TDRD3: variants seen among roughly 807,000 people sequenced by gnomAD.
TDRD3 encodes the protein tudor domain-containing protein 3.
TDRD3 carries 45 observed loss-of-function variants against 86.7 expected under a neutral mutation model. The ratio of observed to expected loss-of-function variants is 0.52; its 90% CI spans 0.41 to 0.67. The LOEUF (loss-of-function observed/expected upper bound fraction) is 0.67. TDRD3 is among the 30% of genes least tolerant of loss of function. The pLI is 0.00. For missense variants in TDRD3, 814 were observed against 889.0 expected (o/e 0.92, Z 1.07); for synonymous variants, 298 against 301.7 (o/e 0.99, Z 0.13).
At position 60,492,074 on chromosome 13, in the gene TDRD3, T is replaced by C. The variant is rs534166105; in HGVS notation, c.718-2361T>C. 2.2e-3 allele frequency among the ~76,000 whole-genome samples: 334 copies of C among 152,264 alleles called. 1 individual carries two copies. The highest frequency in any genetic ancestry group is 0.014 in the Middle Eastern group (4 of 294). On this transcript the variant is annotated intron_variant, in intron 7 of 13. Coordinates refer to ENST00000377881, the MANE Select transcript of TDRD3 (RefSeq NM_001146070.2). ...TGGGTAATATTTAGGTTGTGATGGTTCTAGATATTTATATGAGTGAGTAGT... is the reference window on the plus strand; with the variant it reads ...TGGGTAATATTTAGGTTGTGATGGTCCTAGATATTTATATGAGTGAGTAGT...
chr13:60,510,821 G>A (rs924421226), intron 10 of TDRD3, 66 bp downstream of exon 10: 88 of 1,294,102 alleles, frequency 6.8e-5, no homozygotes, highest in African/African-American at 4.3e-4. Flanking sequence ...TTTTTTTAGC[G>A]TATTTCTTTT....
chr13:60,400,212 G>T (rs1177565032), intron 1 of TDRD3, among the ~76,000 whole-genome samples: 1 of 152,100 alleles, frequency 6.6e-6, no homozygotes, highest in Non-Finnish European at 1.5e-5. Flanking sequence ...AATTTATCTA[G>T]ATAACAATTT....
In TDRD3 at chr13:60,478,652, T is replaced by C. The variant is rs1956246445; in HGVS notation, c.496-5123T>C. On this transcript the variant is annotated intron_variant, in intron 5 of 13. Transcript: ENST00000377881. ...ATTCTTTCAAAGAACCATCTTTTTGTTCCATTGATCTTTTATTTGGATTTT... is the reference window on the plus strand; with the variant it reads ...ATTCTTTCAAAGAACCATCTTTTTGCTCCATTGATCTTTTATTTGGATTTT... Among the ~76,000 whole-genome samples, 2 of 152,098 alleles carry C rather than the reference T, an allele frequency of 1.3e-5. 1 individual carries two copies. The highest frequency in any genetic ancestry group is 4.1e-4 in the South Asian group (2 of 4,830).
intron 12 of TDRD3, among the ~76,000 whole-genome samples, chr13:60,541,846 A>G (rs1196695392): frequency 1.4e-5 from 2 of 146,674 alleles, no homozygotes; most frequent in African/African-American, 5.0e-5. Flanking sequence ...TCTTGCCTCA[A>G]CCTCCTGAGT....
chr13:60,512,903 T>A (rs1202386504), intron 10 of TDRD3, among the ~76,000 whole-genome samples: 2 of 152,184 alleles, frequency 1.3e-5, no homozygotes, highest in African/African-American at 4.8e-5. Context: ...GTCTGGAGGA[T>A]GGTGGCCCTC....
intron 5 of TDRD3, among the ~76,000 whole-genome samples, chr13:60,472,363 T>C (rs1956091062): frequency 6.6e-6 from 1 of 152,178 alleles, no homozygotes; most frequent in African/African-American, 2.4e-5. Flanking sequence ...CCATCTTAGA[T>C]GTACAGTAGT....
At chr13:60,427,282 T>G (rs886191912) in intron 1 of TDRD3, among the ~76,000 whole-genome samples, 1 of 152,224 alleles carries the variant, frequency 6.6e-6, no homozygotes, top group African/African-American at 2.4e-5. Context: ...GTTCCATTTT[T>G]TCGTTCTTTG....
At position 60,528,705 on chromosome 13, in the gene TDRD3, G is replaced by A. The variant is rs1957508718; in HGVS notation, c.1480G>A (p.Gly494Ser). 2 of 1,611,482 alleles carry A rather than the reference G, an allele frequency of 1.2e-6. No individual in the cohort carries two copies. Among genetic ancestry groups the A allele is most frequent in the South Asian group, 2.2e-5 (2 of 90,334 alleles). The change falls in exon 11 of 14, where the codon GGT becomes AGT. Residue 494 changes from glycine (G) to serine (S), a missense_variant. By Grantham distance (56) the Gly-to-Ser change is moderately conservative. Transcript: ENST00000377881. ...SYPLGSQHSD[G>S]AFKKRDNSMQ... Reference sequence around the variant, plus strand: ...TCCTTTAGGTTCTCAGCATAGTGATGGTGCTTTTAAAAAAAGAGATAACTC... The same window carrying A: ...TCCTTTAGGTTCTCAGCATAGTGATAGTGCTTTTAAAAAAAGAGATAACTC...
intron 12 of TDRD3, among the ~76,000 whole-genome samples, chr13:60,557,819 G>GGTTTTTT (rs1491187240): frequency 1.1e-5 from 1 of 89,936 alleles, no homozygotes; most frequent in Non-Finnish European, 2.6e-5. Flanking sequence ...TTTTTTTCCT[G>GGTTTTTT]ATTTTTTTTT....
In TDRD3 at chr13:60,501,877, A is replaced by G. The variant is rs138720421; in HGVS notation, c.858+7302A>G. ...ATAAAGTTCTAGCAGACTCAGTGAT[A>G]GTAAAATTTTTATGCTTCTTTTTTG... On this transcript the variant is annotated intron_variant, in intron 8 of 13. Transcript: ENST00000377881. Among the ~76,000 whole-genome samples the G allele has an allele frequency of 5.3e-5, 8 of 152,354 alleles. No individual in the cohort carries two copies. The East Asian group carries it at 1.3e-3, about 26-fold the overall frequency.
At chr13:60,464,295 C>A (rs762683222) in intron 4 of TDRD3, among the ~76,000 whole-genome samples, 2 of 152,140 alleles carry the variant, frequency 1.3e-5, no homozygotes, top group Non-Finnish European at 1.5e-5. Flanking sequence ...TGCTCAAACA[C>A]CACTGATCGG....
At chr13:60,443,389 C>T (rs537998724) in intron 2 of TDRD3, among the ~76,000 whole-genome samples, 1 of 152,060 alleles carries the variant, frequency 6.6e-6, no homozygotes, top group South Asian at 2.1e-4. Context: ...AAGTCTAAAG[C>T]ATTGTTACAC....
At chr13:60,457,863 CTCTG>C (rs755346604) in intron 3 of TDRD3, among the ~76,000 whole-genome samples, 3 of 152,256 alleles carry the variant, frequency 2.0e-5, no homozygotes, top group East Asian at 1.9e-4. Flanking sequence ...GGTCTTTATA[CTCTG>C]TCTGTGTTTG....
intron 12 of TDRD3, among the ~76,000 whole-genome samples, chr13:60,558,077 T>C (rs1958242410): frequency 6.6e-6 from 1 of 152,130 alleles, no homozygotes; most frequent in African/African-American, 2.4e-5. Flanking sequence ...CACCTCACCT[T>C]CCCAAAGTGC....
intron 5 of TDRD3, among the ~76,000 whole-genome samples, chr13:60,469,415 C>T (rs777464298): frequency 5.3e-5 from 8 of 151,060 alleles, no homozygotes; most frequent in Admixed American, 1.3e-4. Flanking sequence ...GTAACCTTCT[C>T]ACCAACACAC....
chr13:60,483,736 A>G, intron 5 of TDRD3, 39 bp from the exon 6 acceptor site: 1 of 1,557,418 alleles, frequency 6.4e-7, no homozygotes, highest in African/African-American at 1.4e-5. Context: ...TATATTTTTT[A>G]TGTATAACTG....
intron 1 of TDRD3, among the ~76,000 whole-genome samples, chr13:60,397,626 C>CCGGGCGGCGGGCCTGGGCCCCGGGCGG (rs879453073): frequency 6.4e-5 from 6 of 94,302 alleles, no homozygotes; most frequent in South Asian, 4.1e-4. Context: ...GGCCTGGGCC[C>CCGGGCGGCGGGCCTGGGCCCCGGGCGG]CGGGCGGCGG....
At chr13:60,431,116 A>C (rs780003130) in intron 1 of TDRD3, among the ~76,000 whole-genome samples, 4 of 151,990 alleles carry the variant, frequency 2.6e-5, no homozygotes, top group Non-Finnish European at 5.9e-5. Context: ...TTTTTTTTAA[A>C]CCCTGAGTGA....
At chr13:60,540,821 T>C (rs1337347195) in intron 12 of TDRD3, among the ~76,000 whole-genome samples, 1 of 152,182 alleles carries the variant, frequency 6.6e-6, no homozygotes, top group African/African-American at 2.4e-5. Context: ...TTTTCCTTTA[T>C]TGAGTAATGA....
Sources: gnomAD v4.1 joint callset for allele counts (sites outside exome capture counted in the v4.1 genomes callset) on GRCh38, gnomAD v4.1.1 for gene constraint, MANE v1.5 for transcripts, NCBI Gene and HGNC (gene_info 2026-07-23, HGNC 2026-07-21) for gene names.